The following MYO9B variants were observed in gnomAD, a reference collection of about 807,000 sequenced individuals.
MYO9B encodes unconventional myosin-IXb.
In MYO9B, 71 loss-of-function variants were observed where a neutral mutation model predicts 229.5. That is an observed-to-expected ratio of 0.31 (90% CI 0.26 to 0.38). MYO9B has a LOEUF of 0.38. MYO9B is among the 10% of genes least tolerant of loss of function. The pLI, the probability that MYO9B is intolerant of heterozygous loss-of-function variation, is 1.00. For synonymous variants in MYO9B, 1,185 were observed against 1,235.8 expected (o/e 0.96, Z 0.86); for missense variants, 2,255 against 2,920.5 (o/e 0.77, Z 5.25).
chr19:17,212,256 C>T lies in MYO9B; in HGVS notation c.6420C>T (p.Tyr2140=), dbSNP rs1310222031. Residue 2140 remains tyrosine (Y), a synonymous_variant, in exon 40 of 40, where the codon TAC becomes TAT. Transcript: ENST00000682292. This position sits in a 1 kb window ranked among gnomAD's most constrained non-coding sequence, Gnocchi z 5.4. Reference sequence around the variant, plus strand: ...AGCCACCTGGGGCCAAGCGGAGGTACTCGGATCCCCCAACGTACTGCCTGC... The same window carrying T: ...AGCCACCTGGGGCCAAGCGGAGGTATTCGGATCCCCCAACGTACTGCCTGC... The part of the protein sequence containing the change: ...DGQPPGAKRR[Y]SDPPTYCLPP... The T allele has an allele frequency of 1.9e-6, 3 of 1,574,576 alleles. No homozygotes were observed. The highest frequency in any genetic ancestry group is 2.6e-6 in the Non-Finnish European group (3 of 1,164,902).
At chr19:17,206,434 GC>G (rs2073163396) in intron 33 of MYO9B, 58 bp downstream of exon 33, 1 of 1,582,196 alleles carries the variant, frequency 6.3e-7, no homozygotes, top group South Asian at 1.1e-5. Context: ...TACAGCGTTC[GC>G]TGTGACCAGC....
At position 17,193,048 on chromosome 19, in the gene MYO9B, C is replaced by T. The variant is rs2073003848; in HGVS notation, c.3114C>T (p.His1038=). The T allele has an allele frequency of 1.4e-6, 2 of 1,462,684 alleles. No homozygotes were observed. The highest frequency in any genetic ancestry group is 1.8e-6 in the Non-Finnish European group (2 of 1,106,438). The allele number at this position is 1,462,684 out of a possible 1,614,324, so 90.6% of individuals were successfully genotyped here. Residue 1038 remains histidine, a synonymous_variant, in exon 21 of 40, where the codon CAC becomes CAT. Transcript: ENST00000682292. The surrounding 1 kb of genome is among the most constrained non-coding windows in gnomAD (Gnocchi z 4.3). ...IIRLQSLCRG[H]LQRKSFSQMI... ...GCCTGCAGAGCCTGTGTCGGGGGCA[C>T]CTGCAGCGCAAGAGGTGAGCAGAGC...
intron 30 of MYO9B, 77 bp downstream of exon 30, chr19:17,203,335 C>A: frequency 1.7e-6 from 2 of 1,164,630 alleles, no homozygotes; most frequent in South Asian, 1.5e-5. Context: ...GTCTTCAGGG[C>A]CAGGCGGGGT....
chr19:17,145,069 G>A (rs1288087030), intron 2 of MYO9B, among the ~76,000 whole-genome samples: 1 of 151,840 alleles, frequency 6.6e-6, no homozygotes, highest in African/African-American at 2.4e-5. Context: ...CCTGAACTCA[G>A]GAGTTCTACG....
chr19:17,174,416 C>T (rs1276459133), intron 13 of MYO9B, among the ~76,000 whole-genome samples: 7 of 151,804 alleles, frequency 4.6e-5, no homozygotes, highest in Admixed American at 2.6e-4. Flanking sequence ...CGCAGACGAT[C>T]GCTTGAGGTC....
chr19:17,101,602 T>G lies in MYO9B; in HGVS notation c.-58-58T>G. 7.1e-7 allele frequency: 1 copy of G among 1,414,938 alleles called. No individual in the cohort carries two copies. The highest frequency in any genetic ancestry group is 9.3e-7 in the Non-Finnish European group (1 of 1,078,588). 87.6% of individuals were successfully genotyped at this position (1,414,938 alleles called of 1,614,324 possible). A position where few individuals can be genotyped will look rare whatever the true frequency, so the allele number is the denominator to read the frequency against. The stretch of plus-strand genomic sequence containing the variant: ...ATCTGCCCAGGAGTGGGACTCCACA[T>G]GCCCCTTAAACTTCCTCCCACCATT... On this transcript the variant is annotated intron_variant, in intron 1 of 39. Coordinates refer to ENST00000682292, the MANE Select transcript of MYO9B (RefSeq NM_004145.4). This position sits in a 1 kb window ranked among gnomAD's most constrained non-coding sequence, Gnocchi z 4.7.
chr19:17,187,558 T>C (rs1240018118), intron 18 of MYO9B, among the ~76,000 whole-genome samples: 3 of 145,552 alleles, frequency 2.1e-5, no homozygotes, highest in African/African-American at 7.8e-5. Flanking sequence ...TTTTTTTCTT[T>C]TCTTTTTTCT....
intron 26 of MYO9B, among the ~76,000 whole-genome samples, chr19:17,201,163 G>T (rs1241106433): frequency 6.6e-6 from 1 of 152,190 alleles, no homozygotes; most frequent in Admixed American, 6.5e-5. Context: ...GAGCCCAAGA[G>T]GTCGAGGCAC....
chr19:17,206,899 C>T (rs1299265507), intron 34 of MYO9B, 115 bp downstream of exon 34: 2 of 1,231,958 alleles, frequency 1.6e-6, no homozygotes, highest in African/African-American at 1.5e-5. Context: ...AACCAGGATG[C>T]AGACCACTGT....
intron 2 of MYO9B, among the ~76,000 whole-genome samples, chr19:17,107,511 C>G (rs2057803894): frequency 6.6e-6 from 1 of 152,178 alleles, no homozygotes. Context: ...TTTCCTGTTG[C>G]TAAGTGTTAG....
chr19:17,183,260 A>G (rs2072881169), intron 15 of MYO9B, among the ~76,000 whole-genome samples: 1 of 152,074 alleles, frequency 6.6e-6, no homozygotes, highest in Non-Finnish European at 1.5e-5. Context: ...ATGATCCTGA[A>G]AGGAGCTCCC....
rs1192722045 is a variant in MYO9B at position 17,195,149 on chromosome 19, G to A, written c.3722G>A (p.Gly1241Glu). 1 of 1,611,354 alleles carries A rather than the reference G, an allele frequency of 6.2e-7. No individual in the cohort carries two copies. The highest frequency in any genetic ancestry group is 1.1e-5 in the South Asian group (1 of 90,968). ...GAAACTGAGAAGACGCTGCCCAGTG[G>A]GAGCCCCAGGCCTGGCCAGTTGGAG... ...SEETEKTLPS[G>E]SPRPGQLERP... is the part of the protein sequence containing the mutation. The change falls in exon 22 of 40, where the codon GGG becomes GAG. Residue 1241 changes from glycine to glutamate, a missense_variant. Physicochemically the swap from Gly to Glu is moderately conservative, Grantham distance 98. Coordinates refer to ENST00000682292, the MANE Select transcript of MYO9B (RefSeq NM_004145.4). This position sits in a 1 kb window ranked among gnomAD's most constrained non-coding sequence, Gnocchi z 4.5.
intron 2 of MYO9B, among the ~76,000 whole-genome samples, chr19:17,133,124 G>A (rs907123993): frequency 6.6e-6 from 1 of 152,206 alleles, no homozygotes; most frequent in African/African-American, 2.4e-5. Flanking sequence ...GGCATTACAG[G>A]CGTGAGCCAC....
chr19:17,206,225 G>GGGGGGCCC, intron 32 of MYO9B, 23 bp from the exon 33 acceptor site: 6 of 1,564,648 alleles, frequency 3.8e-6, no homozygotes, highest in Non-Finnish European at 5.2e-6. Flanking sequence ...CCGCTCACCA[G>GGGGGGCCC]ACCCACCCCA....
rs113233250 is a variant in MYO9B at position 17,099,506 on chromosome 19, G to T, written c.-58-2154G>T. On this transcript the variant is annotated intron_variant, in intron 1 of 39. Transcript: ENST00000682292. ...TCCTGTAATCCTAGCACTTTGGGAGGCCAAGGCGGGAGGATCGTTTGAGCT... is the reference window on the plus strand; with the variant it reads ...TCCTGTAATCCTAGCACTTTGGGAGTCCAAGGCGGGAGGATCGTTTGAGCT... Among the ~76,000 whole-genome samples the T allele has an allele frequency of 8.6e-4, 131 of 152,198 alleles. 2 individuals carry two copies. The highest frequency in any genetic ancestry group is 3.0e-3 in the African/African-American group (126 of 41,532).
chr19:17,077,602 G>T (rs1363944073), intron 1 of MYO9B, among the ~76,000 whole-genome samples: 1 of 152,144 alleles, frequency 6.6e-6, no homozygotes, highest in Non-Finnish European at 1.5e-5. Flanking sequence ...TCCTGGCTTT[G>T]GTCAAGTCTC....
intron 2 of MYO9B, among the ~76,000 whole-genome samples, chr19:17,122,570 T>C (rs774790806): frequency 1.4e-4 from 22 of 152,032 alleles, no homozygotes; most frequent in Non-Finnish European, 2.9e-4. Flanking sequence ...TAAGTCTACA[T>C]GGAACAGTCT....
intron 14 of MYO9B, 141 bp from the exon 15 acceptor site, chr19:17,180,784 GCA>G: frequency 1.7e-6 from 1 of 589,930 alleles, no homozygotes; most frequent in Admixed American, 3.1e-5. Context: ...GCAGCATTGA[GCA>G]CAGTGTCTTT....
intron 19 of MYO9B, among the ~76,000 whole-genome samples, chr19:17,189,507 A>G (rs565945360): frequency 5.3e-5 from 8 of 151,322 alleles, no homozygotes; most frequent in African/African-American, 1.5e-4. Flanking sequence ...CTGGCATGCA[A>G]TGTACTTCCA....
Sources: gnomAD v4.1 joint callset for allele counts (sites outside exome capture counted in the v4.1 genomes callset) on GRCh38, gnomAD v4.1.1 for gene constraint, Gnocchi (gnomAD v3.1) non-coding constraint, MANE v1.5 for transcripts, NCBI Gene and HGNC (gene_info 2026-07-23, HGNC 2026-07-21) for gene names.